The following ANKRD40CL variants were observed in gnomAD, a reference collection of about 807,000 sequenced individuals.
ANKRD40CL encodes putative ANKRD40 C-terminal-like protein.
For missense variants in ANKRD40CL, 11 were observed against 6.4 expected, an observed-to-expected ratio of 1.71 and a Z score of -0.77; for synonymous variants, 5 against 2.3, an observed-to-expected ratio of 2.14 and a Z score of -1.04.
rs568507867 is a variant in ANKRD40CL, at chr17:50,763,692, G to A, written c.41-135C>T. 10 of 396,790 alleles carry A rather than the reference G, an allele frequency of 2.5e-5. 1 individual carries two copies. In the South Asian group the frequency reaches 8.6e-4, roughly 34 times the overall value. The allele number at this position is 396,790 out of a possible 1,614,324, so 24.6% of individuals were successfully genotyped here. The stretch of plus-strand genomic sequence containing the variant: ...AAACTGAATGTTAAGTAGACATGGA[G>A]CTTTCATGGGCACATACACACTTTG... On this transcript the variant is annotated intron_variant, in intron 2 of 3. Coordinates refer to ENST00000450727, the MANE Select transcript of ANKRD40CL (RefSeq NM_001358683.3).
chr17:50,767,338 G>C (rs1439653196), intron 1 of ANKRD40CL, 125 bp downstream of exon 1: 1 of 368,134 alleles, frequency 2.7e-6, no homozygotes, highest in Non-Finnish European at 5.3e-6. Context: ...CCAGGGGTAA[G>C]AAAAACCAAA....
rs1971239604 is a variant in ANKRD40CL at position 50,763,438 on chromosome 17, C to T, written c.160G>A (p.Val54Met). ...TTTGGTAGCTTTCTGATCTTCTCCA[C>T]TCGTTCTGGTTTAATCCCCAGTTCA... ...CCELGIKPERVEKIRKLPNTL... is the reference protein window; with the variant it reads ...CCELGIKPERMEKIRKLPNTL... The change falls in exon 3 of 4, where the codon GTG (valine) becomes ATG (methionine). Residue 54 changes from valine to methionine, a missense_variant. Transcript: ENST00000450727. 1 of 398,966 alleles carries T rather than the reference C, an allele frequency of 2.5e-6. No individual in the cohort carries two copies. Among genetic ancestry groups the T allele is most frequent in the South Asian group, 1.3e-4 (1 of 7,866 alleles). The allele number at this position is 398,966 out of a possible 1,614,324, so 24.7% of individuals were successfully genotyped here.
intron 2 of ANKRD40CL, chr17:50,764,193 A>T: frequency 2.5e-6 from 1 of 398,676 alleles, no homozygotes; most frequent in Non-Finnish European, 4.4e-6. Flanking sequence ...GTTTCTTGTT[A>T]TCACTTGGGT....
rs1023532733 is a variant in ANKRD40CL, at chr17:50,763,442, T to G, written c.156A>C (p.Glu52Asp). 1 of 398,978 alleles carries G rather than the reference T, an allele frequency of 2.5e-6. No individual in the cohort carries two copies. The highest frequency in any genetic ancestry group is 2.1e-5 in the African/African-American group (1 of 48,630). The allele number at this position is 398,978 out of a possible 1,614,324, so 24.7% of individuals were successfully genotyped here. Residue 52 changes from glutamate to aspartate, a missense_variant, in exon 3 of 4, where the codon GAA (glutamate) becomes GAC (aspartate). Coordinates refer to ENST00000450727, the MANE Select transcript of ANKRD40CL (RefSeq NM_001358683.3). ...GTAGCTTTCTGATCTTCTCCACTCGTTCTGGTTTAATCCCCAGTTCACAGC... is the reference window on the plus strand; with the variant it reads ...GTAGCTTTCTGATCTTCTCCACTCGGTCTGGTTTAATCCCCAGTTCACAGC... ...VSCCELGIKP[E>D]RVEKIRKLPN... is the part of the protein sequence containing the mutation.
At chr17:50,766,810 C>T in intron 2 of ANKRD40CL, 64 bp downstream of exon 2, 1 of 611,214 alleles carries the variant, frequency 1.6e-6, no homozygotes, top group East Asian at 2.7e-5. Context: ...GTGTCCCAGC[C>T]TTCCCCAGCC....
intron 2 of ANKRD40CL, 88 bp downstream of exon 2, chr17:50,766,786 C>G: frequency 1.7e-6 from 1 of 594,830 alleles, no homozygotes; most frequent in Admixed American, 2.9e-5. Context: ...GCACTGCTGG[C>G]CACAGCATCA....
intron 2 of ANKRD40CL, chr17:50,764,421 ATTTTC>A: frequency 2.5e-6 from 1 of 394,128 alleles, no homozygotes; most frequent in East Asian, 3.6e-5. Flanking sequence ...TTGAAGAGTA[ATTTTC>A]TTTAATCACC....
At position 50,767,060 on chromosome 17, in the gene ANKRD40CL, G is replaced by C. The variant is rs1002009254; in HGVS notation, c.-98-49C>G. The C allele has an allele frequency of 1.7e-5, 12 of 692,814 alleles. No homozygotes were observed. In the Admixed American group the frequency reaches 2.2e-4, roughly 13 times the overall value. 42.9% of individuals were successfully genotyped at this position (692,814 alleles called of 1,614,324 possible). ...CTTGCCAGCCCAGTGAGATAGAGCAGGGTCATTTTTATTTTATAGATAGGG... is the reference window on the plus strand; with the variant it reads ...CTTGCCAGCCCAGTGAGATAGAGCACGGTCATTTTTATTTTATAGATAGGG... On this transcript the variant is annotated intron_variant, in intron 1 of 3. Coordinates refer to ENST00000450727, the MANE Select transcript of ANKRD40CL (RefSeq NM_001358683.3).
chr17:50,761,618 T>C (rs1013169137), intron 3 of ANKRD40CL, 112 bp from the exon 4 acceptor site: 2 of 378,192 alleles, frequency 5.3e-6, no homozygotes, highest in Non-Finnish European at 9.4e-6. Context: ...GTATTGTTTT[T>C]TTTGAGACAG....
chr17:50,763,087 G>A, intron 3 of ANKRD40CL: 1 of 214,648 alleles, frequency 4.7e-6, no homozygotes, highest in Admixed American at 5.8e-5. Context: ...AGTAGAGACG[G>A]GTTTTCACCG....
At chr17:50,767,164 T>C in intron 1 of ANKRD40CL, 153 bp from the exon 2 acceptor site, 1 of 654,286 alleles carries the variant, frequency 1.5e-6, no homozygotes, top group Non-Finnish European at 2.8e-6. Context: ...GGCTCCAGAC[T>C]CTCTTCTCAG....
chr17:50,762,723 G>C (rs1208352594), intron 3 of ANKRD40CL: 1 of 151,556 alleles, frequency 6.6e-6, no homozygotes, highest in Non-Finnish European at 1.5e-5. Flanking sequence ...ATTTTTGTTT[G>C]CTAATATTTC....
At chr17:50,766,619 C>T (rs1971321907) in intron 2 of ANKRD40CL, 4 of 437,216 alleles carry the variant, frequency 9.1e-6, no homozygotes, top group Non-Finnish European at 1.6e-5. Context: ...AGAAAGTACA[C>T]AGAAGGTACA....
Position 50,765,493 on chromosome 17 carries a change from G to T in ANKRD40CL, c.40+1381C>A, listed in dbSNP as rs138008014. Among the ~76,000 whole-genome samples, 178 of 152,314 alleles carry T rather than the reference G, an allele frequency of 1.2e-3. 1 individual carries two copies. Among genetic ancestry groups the T allele is most frequent in the African/African-American group, 3.8e-3 (159 of 41,572 alleles). On this transcript the variant is annotated intron_variant, in intron 2 of 3. Transcript: ENST00000450727. ...ATGCACATTATTATTTTCATTTTCAGACAGGAAAATTGAGGCTGAAAGGGG... is the reference window on the plus strand; with the variant it reads ...ATGCACATTATTATTTTCATTTTCATACAGGAAAATTGAGGCTGAAAGGGG...
rs1178893474 is a variant in ANKRD40CL, at chr17:50,766,864, C to A, written c.40+10G>T. On this transcript the variant is annotated intron_variant, in intron 2 of 3. Transcript: ENST00000450727. ...GAGGACCATGTTGGGAACAGGACTC[C>A]CAGACTCACCTGCTGGCTTCTCCCC... The A allele has an allele frequency of 7.7e-6, 5 of 649,234 alleles. No individual in the cohort carries two copies. The highest frequency in any genetic ancestry group is 2.2e-5 in the Admixed American group (1 of 46,042). 40.2% of individuals were successfully genotyped at this position (649,234 alleles called of 1,614,324 possible).
intron 2 of ANKRD40CL, 34 bp from the exon 3 acceptor site, chr17:50,763,591 C>T: frequency 2.5e-6 from 1 of 398,930 alleles, no homozygotes; most frequent in Non-Finnish European, 4.4e-6. Flanking sequence ...CCCATAAATT[C>T]AAATACAGTT....
intron 1 of ANKRD40CL, chr17:50,767,239 G>T: frequency 1.8e-6 from 1 of 545,970 alleles, no homozygotes; most frequent in Non-Finnish European, 3.5e-6. Context: ...GCCCTTCGGA[G>T]GGGAGGCCAG....
At chr17:50,765,211 A>ATATAGCGGGCAAAG (rs1367676455) in intron 2 of ANKRD40CL, among the ~76,000 whole-genome samples, 1 of 152,274 alleles carries the variant, frequency 6.6e-6, no homozygotes, top group African/African-American at 2.4e-5. Flanking sequence ...AATGATTTGC[A>ATATAGCGGGCAAAG]TATAGCGGGC....
intron 3 of ANKRD40CL, among the ~76,000 whole-genome samples, chr17:50,761,714 C>T (rs1402471449): frequency 6.6e-6 from 1 of 152,008 alleles, no homozygotes; most frequent in African/African-American, 2.4e-5. Context: ...AAGTGATTCT[C>T]CTGCCTCACT....
Sources: allele counts gnomAD v4.1 joint callset (sites outside exome capture counted in the v4.1 genomes callset), GRCh38; gene constraint gnomAD v4.1.1; transcripts MANE v1.5; gene names NCBI Gene and HGNC (gene_info 2026-07-23, HGNC 2026-07-21).